TMEM161B: variants seen among roughly 807,000 people sequenced by gnomAD.
TMEM161B encodes transmembrane protein 161B.
TMEM161B carries 34 observed loss-of-function variants against 61.8 expected under a neutral mutation model. That is an observed-to-expected ratio of 0.55 (90% CI 0.42 to 0.73). TMEM161B has a LOEUF of 0.73. Among genes scored for constraint, TMEM161B ranks in the 30% least tolerant of loss-of-function variants. The pLI is 0.00. For synonymous variants in TMEM161B, 167 were observed against 192.8 expected, an observed-to-expected ratio of 0.87 and a Z score of 1.11; for missense variants, 456 against 558.5, an observed-to-expected ratio of 0.82 and a Z score of 1.85.
intron 9 of TMEM161B, chr5:88,202,723 A>G (rs1250741507): frequency 2.2e-6 from 1 of 460,792 alleles, no homozygotes; most frequent in African/African-American, 2.0e-5. Context: ...GAGGAGGAAA[A>G]AAATAGTGTG....
At chr5:88,255,382 G>C (rs974413902) in intron 1 of TMEM161B, among the ~76,000 whole-genome samples, 2 of 152,072 alleles carry the variant, frequency 1.3e-5, no homozygotes, top group Non-Finnish European at 2.9e-5. Flanking sequence ...CAGTAAACTG[G>C]ACTGGAAGTA....
At chr5:88,201,762 T>C (rs2112367729) in intron 9 of TMEM161B, 1 of 154,540 alleles carries the variant, frequency 6.5e-6, no homozygotes, top group East Asian at 1.9e-4. Context: ...ACTTAGGGAA[T>C]CTGTCAAGTT....
intron 1 of TMEM161B, among the ~76,000 whole-genome samples, chr5:88,254,005 A>T (rs572160995): frequency 4.1e-4 from 62 of 151,700 alleles, no homozygotes; most frequent in Admixed American, 1.2e-3. Context: ...TATATATATA[A>T]AATATATTTA....
Position 88,228,475 on chromosome 5 carries a change from T to C in TMEM161B, c.161A>G (p.Lys54Arg), listed in dbSNP as rs1750431510. ...TTTTTTGGTTTTCCCTTTTTGTTGT[T>C]TCCCTGCAAGAATTCTTAATTCTTC... ...TEEELRILAGKQQKGKTKKDR... is the reference protein window; with the variant it reads ...TEEELRILAGRQQKGKTKKDR... The change falls in exon 3 of 12, where the codon AAA (lysine) becomes AGA (arginine). Residue 54 changes from lysine to arginine, a missense_variant. Lys to Arg is a conservative substitution (Grantham distance 26, BLOSUM62 2). Around this residue, in one of 3 missense-constraint regions of TMEM161B, gnomAD observed 85 missense variants for 111.2 expected, o/e 0.76. Transcript: ENST00000296595. The C allele has an allele frequency of 1.2e-6, 2 of 1,609,026 alleles. No homozygotes were observed. The highest frequency in any genetic ancestry group is 2.2e-5 in the East Asian group (1 of 44,556).
At chr5:88,263,582 A>G (rs1029764186) in intron 1 of TMEM161B, among the ~76,000 whole-genome samples, 9 of 152,222 alleles carry the variant, frequency 5.9e-5, no homozygotes, top group African/African-American at 2.2e-4. Flanking sequence ...TTATTTCTAA[A>G]AAGTTCCTTT....
chr5:88,232,080 T>C (rs1751089005), intron 2 of TMEM161B, among the ~76,000 whole-genome samples: 1 of 152,160 alleles, frequency 6.6e-6, no homozygotes, highest in African/African-American at 2.4e-5. Context: ...AGACACTACC[T>C]TCAGCACTAT....
In TMEM161B at chr5:88,268,747, C is replaced by T; in HGVS notation, c.-24G>A. The T allele has an allele frequency of 6.2e-7, 1 of 1,614,056 alleles. No individual in the cohort carries two copies. Among genetic ancestry groups the T allele is most frequent in the Non-Finnish European group, 8.5e-7 (1 of 1,179,950 alleles). On this transcript the variant is annotated 5_prime_UTR_variant, in exon 1 of 12. Transcript: ENST00000296595. ...ATGGCGCCTAGGATAGGTCGTGGAC[C>T]AGACACCCTGGAGTTGCCGGGGCAG...
chr5:88,254,524 T>G (rs1754728039), intron 1 of TMEM161B, among the ~76,000 whole-genome samples: 1 of 152,044 alleles, frequency 6.6e-6, no homozygotes, highest in Non-Finnish European at 1.5e-5. Flanking sequence ...TTCAGCATAT[T>G]AGGTAAAAAC....
In TMEM161B at chr5:88,220,727, G is replaced by GAAAAAA. The variant is rs764112016; in HGVS notation, c.290-14_290-9dup. On this transcript the variant is annotated splice_polypyrimidine_tract_variant and intron_variant, in intron 4 of 11. Coordinates refer to ENST00000296595, the MANE Select transcript of TMEM161B (RefSeq NM_153354.5). ...CTGGAAAGTAATGCAATGCTGGAAA[G>GAAAAAA]AAAAAAAAAAAAAAAAAAAAAAAAG... 1,854 of 598,180 alleles carry GAAAAAA rather than the reference G, an allele frequency of 3.1e-3. 19 individuals carry two copies. The highest frequency in any genetic ancestry group is 7.8e-3 in the South Asian group (260 of 33,216). The allele number at this position is 598,180 out of a possible 1,614,324, so 37.1% of individuals were successfully genotyped here. A position where few individuals can be genotyped will look rare whatever the true frequency, so the allele number is the denominator to read the frequency against.
intron 1 of TMEM161B, among the ~76,000 whole-genome samples, chr5:88,249,964 A>G (rs1172655931): frequency 2.0e-5 from 3 of 152,052 alleles, no homozygotes; most frequent in Non-Finnish European, 4.4e-5. Flanking sequence ...TAACTAACCA[A>G]TCTGCAGGGC....
chr5:88,260,557 T>C (rs1755552601), intron 1 of TMEM161B, among the ~76,000 whole-genome samples: 1 of 152,158 alleles, frequency 6.6e-6, no homozygotes, highest in Non-Finnish European at 1.5e-5. Flanking sequence ...GCTCAAGTGA[T>C]CTACCCACCT....
At chr5:88,262,395 T>C (rs1201670942) in intron 1 of TMEM161B, among the ~76,000 whole-genome samples, 1 of 152,144 alleles carries the variant, frequency 6.6e-6, no homozygotes, top group Non-Finnish European at 1.5e-5. Flanking sequence ...CAATTGCACT[T>C]GCTGGTTTTT....
At chr5:88,230,812 G>T (rs1750861343) in intron 2 of TMEM161B, among the ~76,000 whole-genome samples, 1 of 152,154 alleles carries the variant, frequency 6.6e-6, no homozygotes, top group Non-Finnish European at 1.5e-5. Context: ...AAAAACAAGA[G>T]TGTAGAAGTA....
chr5:88,243,701 C>T (rs1171272495), intron 1 of TMEM161B, among the ~76,000 whole-genome samples: 2 of 151,898 alleles, frequency 1.3e-5, no homozygotes, highest in East Asian at 3.9e-4. Context: ...AACTAATTTG[C>T]ATTCCCACCA....
intron 5 of TMEM161B, among the ~76,000 whole-genome samples, chr5:88,208,785 G>C (rs552169591): frequency 6.6e-5 from 10 of 152,292 alleles, no homozygotes; most frequent in East Asian, 3.9e-4. Flanking sequence ...ATCTGTGCAC[G>C]TAACTATTGA....
At chr5:88,259,833 T>A (rs192219790) in intron 1 of TMEM161B, among the ~76,000 whole-genome samples, 1 of 152,182 alleles carries the variant, frequency 6.6e-6, no homozygotes, top group Non-Finnish European at 1.5e-5. Flanking sequence ...TATAGGAAAA[T>A]GTTTTTGAAT....
At chr5:88,229,725 T>A (rs1437489091) in intron 2 of TMEM161B, among the ~76,000 whole-genome samples, 1 of 149,884 alleles carries the variant, frequency 6.7e-6, no homozygotes, top group East Asian at 1.9e-4. Flanking sequence ...CTAGATTTTT[T>A]AAATTTGAAA....
At chr5:88,217,050 A>G (rs1248013831) in intron 5 of TMEM161B, among the ~76,000 whole-genome samples, 1 of 152,204 alleles carries the variant, frequency 6.6e-6, no homozygotes, top group Non-Finnish European at 1.5e-5. Context: ...TACAGGGTTG[A>G]TGAATGGATA....
chr5:88,187,425 CATTT>C (rs1561280600), downstream of TMEM161B, among the ~76,000 whole-genome samples: 1 of 151,454 alleles, frequency 6.6e-6, no homozygotes, highest in East Asian at 1.9e-4. Context: ...ATTTATATAA[CATTT>C]ATACAACATT....
Sources: gnomAD v4.1 joint callset for allele counts (sites outside exome capture counted in the v4.1 genomes callset) on GRCh38, gnomAD v4.1.1 for gene constraint, gnomAD v4.1.1 regional missense constraint, MANE v1.5 for transcripts, NCBI Gene and HGNC (gene_info 2026-07-23, HGNC 2026-07-21) for gene names.